The following MAGI2 variants were observed in gnomAD, a reference collection of about 807,000 sequenced individuals.
The protein encoded by MAGI2 is membrane-associated guanylate kinase, WW and PDZ domain-containing protein 2.
Under a neutral mutation model 133.3 loss-of-function variants are expected in MAGI2, and 35 were observed. That is an observed-to-expected ratio of 0.26 (90% CI 0.20 to 0.35). MAGI2 has a LOEUF of 0.35. Among genes scored for constraint, MAGI2 ranks in the 10% least tolerant of loss-of-function variants. MAGI2 has a pLI of 1.00. For synonymous variants in MAGI2, 729 were observed against 710.6 expected (o/e 1.03, Z -0.41); for missense variants, 1,636 against 1,863.4 (o/e 0.88, Z 2.25).
intron 2 of MAGI2, among the ~76,000 whole-genome samples, chr7:78,829,681 T>A (rs574827351): frequency 3.3e-5 from 5 of 152,218 alleles, no homozygotes; most frequent in South Asian, 4.1e-4. Context: ...AAAATTCCAA[T>A]CTAGAGCATC....
In MAGI2 at chr7:78,501,689, C is replaced by T; in HGVS notation, c.853G>A (p.Glu285Lys). 6.2e-7 allele frequency: 1 copy of T among 1,614,118 alleles called. No individual in the cohort carries two copies. The highest frequency in any genetic ancestry group is 8.5e-7 in the Non-Finnish European group (1 of 1,180,016). The change falls in exon 5 of 22, where the codon GAG (glutamate) becomes AAG (lysine). Residue 285 changes from glutamate to lysine, a missense_variant. Transcript: ENST00000354212. ...PVYSQPEELK[E>K]QMDDTKPTKP... ...GTTGGCTTTGTGTCATCCATCTGCT[C>T]CTTCAGCTCCTCAGGCTGACTGTAC...
intron 1 of MAGI2, among the ~76,000 whole-genome samples, chr7:79,291,922 C>A (rs1333597596): frequency 6.6e-6 from 1 of 151,932 alleles, no homozygotes; most frequent in East Asian, 1.9e-4. Context: ...TTGATGAAGG[C>A]CAATTTATCT....
At chr7:78,147,581 A>G (rs1823432303) in intron 16 of MAGI2, among the ~76,000 whole-genome samples, 2 of 152,300 alleles carry the variant, frequency 1.3e-5, no homozygotes, top group African/African-American at 4.8e-5. Context: ...GATTGAAGAG[A>G]TTCAAAACGT....
At chr7:79,171,128 T>C (rs1825499821) in intron 1 of MAGI2, among the ~76,000 whole-genome samples, 1 of 152,134 alleles carries the variant, frequency 6.6e-6, no homozygotes, top group South Asian at 2.1e-4. Flanking sequence ...GGCTTGGAAC[T>C]GCAGAAATTT....
At chr7:79,417,976 C>A (rs1331388267) in intron 1 of MAGI2, among the ~76,000 whole-genome samples, 1 of 151,886 alleles carries the variant, frequency 6.6e-6, no homozygotes, top group Non-Finnish European at 1.5e-5. Context: ...TGAGGATATT[C>A]CAATCAATTT....
At position 78,162,944 on chromosome 7, in the gene MAGI2, T is replaced by C. The variant is rs142353648; in HGVS notation, c.2597-2671A>G. ...CAATGGTCTTTCCTACTGTAGGGCA[T>C]TAACAGCCTTGTTTTATAATAATAT... On this transcript the variant is annotated intron_variant, in intron 15 of 21. Coordinates refer to ENST00000354212, the MANE Select transcript of MAGI2 (RefSeq NM_012301.4). Among the ~76,000 whole-genome samples the C allele has an allele frequency of 8.2e-3, 1,243 of 152,268 alleles. 11 individuals are homozygous for C. The highest frequency in any genetic ancestry group is 0.011 in the Non-Finnish European group (756 of 68,016).
intron 12 of MAGI2, among the ~76,000 whole-genome samples, chr7:78,191,227 CT>C (rs35266347): frequency 4.4e-4 from 64 of 144,200 alleles, no homozygotes; most frequent in Admixed American, 4.8e-4. Flanking sequence ...GGAAATAATT[CT>C]TTTTTTTTTT....
chr7:79,005,751 C>A (rs957136105), intron 2 of MAGI2, among the ~76,000 whole-genome samples: 1 of 152,150 alleles, frequency 6.6e-6, no homozygotes, highest in African/African-American at 2.4e-5. Context: ...CACCCGTTAC[C>A]TTATAAATAG....
chr7:79,198,744 T>TGGGTGTG lies in MAGI2; in HGVS notation c.302-191545_302-191539dup, dbSNP rs538524191. On this transcript the variant is annotated intron_variant, in intron 1 of 21. Coordinates refer to ENST00000354212, the MANE Select transcript of MAGI2 (RefSeq NM_012301.4). ...TCTACTGAAAATAAAAAAAATTAGC[T>TGGGTGTG]GGGTGTGGTAGTGGGTGCCTGTAAT... Among the ~76,000 whole-genome samples the TGGGTGTG allele has an allele frequency of 1.4e-3, 218 of 151,926 alleles. 1 individual carries two copies. Among genetic ancestry groups the TGGGTGTG allele is most frequent in the Non-Finnish European group, 2.6e-3 (178 of 67,978 alleles).
chr7:78,849,945 C>T (rs1792985380), intron 2 of MAGI2, among the ~76,000 whole-genome samples: 1 of 151,980 alleles, frequency 6.6e-6, no homozygotes, highest in Non-Finnish European at 1.5e-5. Flanking sequence ...TACTCTTAAA[C>T]TATAAGAAAC....
At chr7:78,180,639 C>T (rs985283068) in intron 13 of MAGI2, among the ~76,000 whole-genome samples, 8 of 152,160 alleles carry the variant, frequency 5.3e-5, no homozygotes, top group Admixed American at 2.0e-4. Flanking sequence ...GATCCTGTTG[C>T]TCTGACCCAC....
At chr7:78,884,904 T>C (rs767183791) in intron 2 of MAGI2, among the ~76,000 whole-genome samples, 3 of 152,094 alleles carry the variant, frequency 2.0e-5, no homozygotes, top group African/African-American at 4.8e-5. Flanking sequence ...TAATAGCAAA[T>C]ACATGGAATC....
chr7:78,391,077 A>G (rs1429218375), intron 6 of MAGI2, among the ~76,000 whole-genome samples: 1 of 152,202 alleles, frequency 6.6e-6, no homozygotes, highest in South Asian at 2.1e-4. Context: ...GCAAGGAAAG[A>G]CTTGGCCCCT....
At chr7:78,049,650 C>T (rs912765752) in intron 21 of MAGI2, among the ~76,000 whole-genome samples, 4 of 152,144 alleles carry the variant, frequency 2.6e-5, no homozygotes, top group African/African-American at 9.7e-5. Context: ...CTTTTCTCCA[C>T]TTCTAGTTGT....
intron 2 of MAGI2, among the ~76,000 whole-genome samples, chr7:78,677,250 TG>T (rs1815147909): frequency 6.6e-6 from 1 of 151,802 alleles, no homozygotes; most frequent in Admixed American, 6.6e-5. Flanking sequence ...TGTGTTGATC[TG>T]GCTCTACTAA....
chr7:79,257,556 T>C (rs966751800), intron 1 of MAGI2, among the ~76,000 whole-genome samples: 1 of 152,180 alleles, frequency 6.6e-6, no homozygotes, highest in Non-Finnish European at 1.5e-5. Flanking sequence ...TGTTCTGCGT[T>C]GGAGAAAATG....
At chr7:78,916,002 TAC>T (rs549431029) in intron 2 of MAGI2, among the ~76,000 whole-genome samples, 12 of 152,206 alleles carry the variant, frequency 7.9e-5, no homozygotes, top group African/African-American at 2.9e-4. Flanking sequence ...TATTGTAACA[TAC>T]GTTTTTATAT....
chr7:78,527,455 G>C (rs1384653319), intron 3 of MAGI2, among the ~76,000 whole-genome samples: 1 of 152,140 alleles, frequency 6.6e-6, no homozygotes, highest in African/African-American at 2.4e-5. Context: ...TTAGTGGTGA[G>C]GCTAAGGGGA....
intron 2 of MAGI2, among the ~76,000 whole-genome samples, chr7:78,647,058 A>G (rs1458895841): frequency 6.6e-6 from 1 of 152,202 alleles, no homozygotes; most frequent in African/African-American, 2.4e-5. Flanking sequence ...CATATTGACC[A>G]AACAATTCTA....
Sources: gnomAD v4.1 joint callset for allele counts (sites outside exome capture counted in the v4.1 genomes callset) on GRCh38, gnomAD v4.1.1 for gene constraint, MANE v1.5 for transcripts, NCBI Gene and HGNC (gene_info 2026-07-23, HGNC 2026-07-21) for gene names.